BDH1: variants seen among roughly 807,000 people sequenced by gnomAD.
BDH1 encodes the protein D-beta-hydroxybutyrate dehydrogenase, mitochondrial.
BDH1 carries 30 observed loss-of-function variants against 33.1 expected under a neutral mutation model. The ratio of observed to expected loss-of-function variants is 0.91; its 90% CI spans 0.68 to 1.23. The LOEUF is 1.23. Among genes scored for constraint, BDH1 ranks in the 50% most tolerant of loss-of-function variants. The pLI is 0.00. For synonymous variants in BDH1, 190 were observed against 183.6 expected, an observed-to-expected ratio of 1.03 and a Z score of -0.28; for missense variants, 443 against 464.4, an observed-to-expected ratio of 0.95 and a Z score of 0.42.
chr3:197,542,082 A>G (rs1055573679), intron 3 of BDH1, among the ~76,000 whole-genome samples: 3 of 152,218 alleles, frequency 2.0e-5, no homozygotes, highest in Admixed American at 2.0e-4. Context: ...GTCGACCACA[A>G]TTGCTGAGTT....
chr3:197,562,027 G>A (rs762101639), intron 1 of BDH1, among the ~76,000 whole-genome samples: 5 of 152,114 alleles, frequency 3.3e-5, no homozygotes, highest in Admixed American at 6.6e-5. Flanking sequence ...TTCAAGAGTC[G>A]TGGGCGGATT....
intron 3 of BDH1, among the ~76,000 whole-genome samples, chr3:197,541,563 T>C (rs1397662896): frequency 6.6e-6 from 1 of 152,182 alleles, no homozygotes; most frequent in Non-Finnish European, 1.5e-5. Flanking sequence ...TGCTGATAAT[T>C]ATGGAAACCC....
intron 2 of BDH1, among the ~76,000 whole-genome samples, chr3:197,549,671 C>A (rs2108762256): frequency 6.6e-6 from 1 of 152,324 alleles, no homozygotes; most frequent in East Asian, 1.9e-4. Flanking sequence ...AGGGAAACAG[C>A]CAATGCAGAG....
intron 2 of BDH1, among the ~76,000 whole-genome samples, chr3:197,548,364 T>G (rs890651817): frequency 6.6e-6 from 1 of 152,218 alleles, no homozygotes; most frequent in African/African-American, 2.4e-5. Flanking sequence ...GACCAGAGTC[T>G]GAGGTCACCA....
At position 197,510,670 on chromosome 3, in the gene BDH1, GTACAT is replaced by G; in HGVS notation, c.*1220_*1224del. On this transcript the variant is annotated 3_prime_UTR_variant, in exon 8 of 8. Coordinates refer to ENST00000392379, the MANE Select transcript of BDH1 (RefSeq NM_203314.3). The stretch of plus-strand genomic sequence containing the variant: ...TGTGTGTGTGTGTGTGTGTGTGTGT[GTACAT>G]GTGTGTAAGGTGTGTGTGTGTGTGT... 1 of 45,422 alleles carries G rather than the reference GTACAT, an allele frequency of 2.2e-5. No individual in the cohort carries two copies. Among genetic ancestry groups the G allele is most frequent in the East Asian group, 4.0e-4 (1 of 2,508 alleles). 2.8% of individuals were successfully genotyped at this position (45,422 alleles called of 1,614,324 possible).
At chr3:197,547,378 G>A (rs1430827531) in intron 2 of BDH1, among the ~76,000 whole-genome samples, 2 of 152,206 alleles carry the variant, frequency 1.3e-5, no homozygotes, top group Admixed American at 6.5e-5. Context: ...ATAAGGTACT[G>A]CCTGGGAGGC....
intron 3 of BDH1, among the ~76,000 whole-genome samples, chr3:197,540,616 C>G (rs890348066): frequency 2.6e-5 from 4 of 152,078 alleles, no homozygotes; most frequent in Non-Finnish European, 4.4e-5. Flanking sequence ...TTGCAGTGAG[C>G]CAAGATTGTG....
At chr3:197,550,534 G>A (rs1381314445) in intron 2 of BDH1, among the ~76,000 whole-genome samples, 2 of 152,190 alleles carry the variant, frequency 1.3e-5, no homozygotes, top group African/African-American at 4.8e-5. Flanking sequence ...ACTGAGCCAG[G>A]AAGAGACACC....
At chr3:197,552,249 T>C (rs2108765207) in intron 2 of BDH1, among the ~76,000 whole-genome samples, 1 of 152,234 alleles carries the variant, frequency 6.6e-6, no homozygotes, top group Non-Finnish European at 1.5e-5. Flanking sequence ...CACCTTCACA[T>C]ATATCTAGGA....
intron 6 of BDH1, among the ~76,000 whole-genome samples, chr3:197,517,203 A>G (rs926190161): frequency 2.7e-5 from 4 of 146,328 alleles, no homozygotes; most frequent in African/African-American, 1.0e-4. Context: ...AGGCAGACCC[A>G]TCAGTCACTT....
intron 6 of BDH1, among the ~76,000 whole-genome samples, chr3:197,515,094 G>A (rs1712552705): frequency 6.6e-6 from 1 of 152,246 alleles, no homozygotes; most frequent in East Asian, 1.9e-4. Flanking sequence ...CTGCCTGTGG[G>A]AACTCGGCGC....
In BDH1 at chr3:197,523,824, G is replaced by A. The variant is rs768394713; in HGVS notation, c.268-1043C>T. Among the ~76,000 whole-genome samples the A allele has an allele frequency of 1.4e-4, 21 of 152,178 alleles. No individual in the cohort carries two copies. Among genetic ancestry groups the A allele is most frequent in the Non-Finnish European group, 2.8e-4 (19 of 68,026 alleles). Reference sequence around the variant, plus strand: ...GGACATTCACAAGAGGGGGCCGATGGGGACGGGGCACTGTGGGAAGAGATA... The same window carrying A: ...GGACATTCACAAGAGGGGGCCGATGAGGACGGGGCACTGTGGGAAGAGATA... On this transcript the variant is annotated intron_variant, in intron 5 of 7. Transcript: ENST00000392379. This position sits in a 1 kb window ranked among gnomAD's most constrained non-coding sequence, Gnocchi z 4.5.
At chr3:197,556,227 C>A (rs1016663092), upstream of BDH1, among the ~76,000 whole-genome samples, 1 of 152,236 alleles carries the variant, frequency 6.6e-6, no homozygotes, top group Non-Finnish European at 1.5e-5. Flanking sequence ...GTTGCAGCCT[C>A]GCGGGCTGAG....
rs1275241564 is a variant in BDH1 at position 197,517,299 on chromosome 3, G to A, written c.410-2883C>T. On this transcript the variant is annotated intron_variant, in intron 6 of 7. Coordinates refer to ENST00000392379, the MANE Select transcript of BDH1 (RefSeq NM_203314.3). The stretch of plus-strand genomic sequence containing the variant: ...ATGGTCTCCATCCCCCCCTCAGGCC[G>A]ACCCCCGCATCAGTCATTTCCTGCT... Among the ~76,000 whole-genome samples the A allele has an allele frequency of 4.6e-3, 372 of 80,714 alleles. 16 individuals carry two copies. Among genetic ancestry groups the A allele is most frequent in the African/African-American group, 0.018 (333 of 18,546 alleles). The allele number at this position is 80,714 out of a possible 152,430, so 53.0% of individuals were successfully genotyped here.
rs887859325 is a variant in BDH1, at chr3:197,510,307, G to A, written c.*1588C>T. ...GCGCTGGAGGCCGGCGCCGGCTGCG[G>A]AGGAGGAGCGCCCTCTAGCGGCAGG... On this transcript the variant is annotated 3_prime_UTR_variant, in exon 8 of 8. Transcript: ENST00000392379. 1.3e-5 allele frequency: 2 copies of A among 152,342 alleles called. No homozygotes were observed. The highest frequency in any genetic ancestry group is 6.5e-5 in the Admixed American group (1 of 15,290). 9.4% of individuals were successfully genotyped at this position (152,342 alleles called of 1,614,324 possible).
rs553518078 is a variant in BDH1, at chr3:197,542,031, G to A, written c.83+4330C>T. Among the ~76,000 whole-genome samples the A allele has an allele frequency of 1.5e-4, 23 of 152,312 alleles. 1 individual carries two copies. In the South Asian group the frequency reaches 4.6e-3, roughly 30 times the overall value. ...CTTTCCAGATTACCACCCACCTAGT[G>A]GTCACGTGACCTGCCTCTGGCCAAT... On this transcript the variant is annotated intron_variant, in intron 3 of 7. Transcript: ENST00000392379.
Position 197,542,916 on chromosome 3 carries a change from A to T in BDH1, c.83+3445T>A. ...GATTTTTGCCCTAACCCAGGAACAG[A>T]ATGAGAGGGAGGAAGTGGTGCAGTC... On this transcript the variant is annotated intron_variant, in intron 3 of 7. Coordinates refer to ENST00000392379, the MANE Select transcript of BDH1 (RefSeq NM_203314.3). The T allele has an allele frequency of 6.7e-6, 6 of 900,924 alleles. No homozygotes were observed. In the South Asian group the frequency reaches 3.1e-4, roughly 46 times the overall value. The allele number at this position is 900,924 out of a possible 1,614,324, so 55.8% of individuals were successfully genotyped here.
chr3:197,522,473 G>T lies in BDH1; in HGVS notation c.409+167C>A, dbSNP rs897812849. 6.6e-6 allele frequency among the ~76,000 whole-genome samples: 1 copy of T among 152,178 alleles called. No homozygotes were observed. Among genetic ancestry groups the T allele is most frequent in the South Asian group, 2.1e-4 (1 of 4,824 alleles). Reference sequence around the variant, plus strand: ...GTATTTTTCCATTGCCCTATTGCACGTGTATGTTTAGTGTAATCCTCTTCC... The same window carrying T: ...GTATTTTTCCATTGCCCTATTGCACTTGTATGTTTAGTGTAATCCTCTTCC... On this transcript the variant is annotated intron_variant, in intron 6 of 7. Coordinates refer to ENST00000392379, the MANE Select transcript of BDH1 (RefSeq NM_203314.3). This position sits in a 1 kb window ranked among gnomAD's most constrained non-coding sequence, Gnocchi z 4.8.
chr3:197,571,688 TA>T (rs1412065729), intron 1 of BDH1, among the ~76,000 whole-genome samples: 1 of 152,234 alleles, frequency 6.6e-6, no homozygotes, highest in African/African-American at 2.4e-5. Flanking sequence ...GTGAGTCCAT[TA>T]AACCTCTTTT....
Sources: allele counts gnomAD v4.1 joint callset (sites outside exome capture counted in the v4.1 genomes callset), GRCh38; gene constraint gnomAD v4.1.1; non-coding constraint Gnocchi (gnomAD v3.1); transcripts MANE v1.5; gene names NCBI Gene and HGNC (gene_info 2026-07-23, HGNC 2026-07-21).